The following TTC6 variants were observed in gnomAD, a reference collection of about 807,000 sequenced individuals.
TTC6 encodes tetratricopeptide repeat protein 6.
TTC6 carries 172 observed loss-of-function variants against 210.4 expected under a neutral mutation model. The observed-to-expected ratio is 0.82, with a 90% CI of 0.72 to 0.93. The LOEUF (loss-of-function observed/expected upper bound fraction) is 0.93, where lower values mean the gene tolerates loss of function less well. Ranked by LOEUF, TTC6 falls within the 40% of genes least tolerant of loss-of-function variation. The pLI, the probability that TTC6 is intolerant of heterozygous loss-of-function variation, is 0.00. For missense variants in TTC6, 2,414 were observed against 2,318.1 expected, an observed-to-expected ratio of 1.04 and a Z score of -0.85; for synonymous variants, 804 against 819.6, an observed-to-expected ratio of 0.98 and a Z score of 0.32.
In TTC6 at chr14:37,804,822, G is replaced by T; in HGVS notation, c.4164+8G>T. On this transcript the variant is annotated splice_region_variant and intron_variant, in intron 21 of 30. Coordinates refer to ENST00000553443, the Ensembl canonical transcript of TTC6. ...GAAGGCAATTTACAAATGGTATTTC[G>T]TGTATTTAGGAGTATAGATTATTTG... 4 of 1,612,548 alleles carry T rather than the reference G, an allele frequency of 2.5e-6. No homozygotes were observed. The highest frequency in any genetic ancestry group is 3.4e-6 in the Non-Finnish European group (4 of 1,179,364).
chr14:37,651,413 ATATATATATATATTTTTTTTTTTTTTTT>A (rs1176219352), intron 1 of TTC6, among the ~76,000 whole-genome samples: 56 of 22,922 alleles, frequency 2.4e-3, no homozygotes, highest in African/African-American at 7.2e-3. Flanking sequence ...ATATATATAT[ATATATATATATATTTTTTTTTTTTTTTT>A]TTTTTTTTTT....
intron 2 of TTC6, among the ~76,000 whole-genome samples, chr14:37,608,605 C>G (rs1233894084): frequency 6.6e-6 from 1 of 152,118 alleles, no homozygotes; most frequent in Non-Finnish European, 1.5e-5. Context: ...CCAGTGCTTG[C>G]AAGCCTTATC....
intron 6 of TTC6, chr14:37,720,325 T>A (rs1314387629): frequency 3.3e-5 from 5 of 152,108 alleles, no homozygotes; most frequent in Non-Finnish European, 5.9e-5. Flanking sequence ...AGATAAAGTG[T>A]CTGTCCAGGC....
chr14:37,670,041 G>C (rs1188769694), intron 1 of TTC6, among the ~76,000 whole-genome samples: 1 of 152,104 alleles, frequency 6.6e-6, no homozygotes, highest in Non-Finnish European at 1.5e-5. Context: ...CTCTTTCACA[G>C]GTGATATGAA....
At chr14:37,739,233 A>G (rs2095910742) in intron 10 of TTC6, 78 bp downstream of exon 12, 2 of 1,323,888 alleles carry the variant, frequency 1.5e-6, no homozygotes, top group Non-Finnish European at 2.0e-6. Context: ...TCACCCCATG[A>G]AGTTATTATT....
chr14:37,821,749 G>T (rs1291156615), intron 26 of TTC6, among the ~76,000 whole-genome samples: 1 of 146,680 alleles, frequency 6.8e-6, no homozygotes, highest in Non-Finnish European at 1.5e-5. Context: ...ACATCAAGGA[G>T]AATGTCTCAG....
At chr14:37,808,829 A>G in exon 24 of TTC6, 1 of 1,530,758 alleles carries the variant, frequency 6.5e-7, no homozygotes, top group Non-Finnish European at 8.8e-7. Context: ...TTACACCAAG[A>G]TAAGGGAACT....
chr14:37,812,172 A>T (rs2096131004), intron 24 of TTC6, 142 bp from the exon 27 acceptor site: 1 of 811,712 alleles, frequency 1.2e-6, no homozygotes, highest in African/African-American at 1.8e-5. Context: ...TAAATCTAAC[A>T]TATGATTATT....
intron 1 of TTC6, among the ~76,000 whole-genome samples, chr14:37,650,842 C>G (rs1489793185): frequency 1.3e-5 from 2 of 152,188 alleles, no homozygotes; most frequent in Non-Finnish European, 2.9e-5. Context: ...AGCCGTAGAA[C>G]CACAGAATAC....
downstream of TTC6, chr14:37,842,517 G>T (rs1447011439): frequency 3.0e-6 from 1 of 329,632 alleles, no homozygotes; most frequent in Non-Finnish European, 5.3e-6. Context: ...TTTTTCCAAG[G>T]TTGCAGAATC....
intron 2 of TTC6, among the ~76,000 whole-genome samples, chr14:37,615,935 C>T (rs2095641978): frequency 6.6e-6 from 1 of 152,114 alleles, no homozygotes. Context: ...CTTTTCATGC[C>T]AAGTATTTTT....
intron 7 of TTC6, among the ~76,000 whole-genome samples, chr14:37,735,346 A>G (rs1034498926): frequency 2.6e-5 from 4 of 152,162 alleles, no homozygotes; most frequent in African/African-American, 9.6e-5. Flanking sequence ...TAGGTCTTCT[A>G]GGTTTCTGCA....
chr14:37,710,178 A>G (rs1040237355), intron 5 of TTC6, among the ~76,000 whole-genome samples: 1 of 152,148 alleles, frequency 6.6e-6, no homozygotes, highest in Non-Finnish European at 1.5e-5. Flanking sequence ...AGGCTTTTGT[A>G]TACCAAAGAG....
In TTC6 at chr14:37,792,324, C is replaced by A; in HGVS notation, c.3618C>A (p.Tyr1206Ter). ...TACATCTGCTACACCTGGATAACTA[C>A]ACGGAAGCTATTTGGCAATTTTCTG... Residue 1206 changes from tyrosine (Y) to a stop codon, truncating the protein, a stop_gained, in exon 17 of 31, where the codon TAC becomes TAA. Coordinates refer to ENST00000553443, the Ensembl canonical transcript of TTC6. LOFTEE classifies it high-confidence loss of function. 1 of 1,532,880 alleles carries A rather than the reference C, an allele frequency of 6.5e-7. No homozygotes were observed. The allele number at this position is 1,532,880 out of a possible 1,614,324, so 95.0% of individuals were successfully genotyped here.
chr14:37,819,909 A>G (rs1034149269), intron 26 of TTC6, among the ~76,000 whole-genome samples: 2 of 152,242 alleles, frequency 1.3e-5, no homozygotes, highest in Non-Finnish European at 2.9e-5. Context: ...AAGTAGAATC[A>G]TGCACCTCCA....
exon 20 of TTC6, chr14:37,796,792 A>G: frequency 6.3e-7 from 1 of 1,597,140 alleles, no homozygotes; most frequent in Non-Finnish European, 8.5e-7. Flanking sequence ...TTTAGGTCTC[A>G]GTGAGTTGAG....
intron 3 of TTC6, among the ~76,000 whole-genome samples, chr14:37,692,641 C>T (rs1184683641): frequency 6.6e-6 from 1 of 151,828 alleles, no homozygotes; most frequent in African/African-American, 2.4e-5. Flanking sequence ...GGTGGATCAC[C>T]TGAGGCCAGG....
intron 1 of TTC6, among the ~76,000 whole-genome samples, chr14:37,675,357 G>T (rs2095766852): frequency 6.6e-6 from 1 of 152,034 alleles, no homozygotes; most frequent in African/African-American, 2.4e-5. Flanking sequence ...CTTTCAATTA[G>T]TGTAATGTTT....
chr14:37,682,892 G>A, exon 3 of TTC6: 2 of 1,535,662 alleles, frequency 1.3e-6, no homozygotes, highest in Non-Finnish European at 1.7e-6. Flanking sequence ...AGCCAGCAGA[G>A]GAATTAAGTA....
Sources: allele counts gnomAD v4.1 joint callset (sites outside exome capture counted in the v4.1 genomes callset), GRCh38; gene constraint gnomAD v4.1.1; transcripts MANE v1.5; gene names NCBI Gene and HGNC (gene_info 2026-07-23, HGNC 2026-07-21).